Variants in TMEM237 observed in about 807,000 individuals in gnomAD.
TMEM237 encodes the protein amyotrophic lateral sclerosis 2 (juvenile) chromosome region, candidate 4.
TMEM237 carries 51 observed loss-of-function variants against 59.1 expected under a neutral mutation model. The ratio of observed to expected loss-of-function variants is 0.86; its 90% CI spans 0.69 to 1.09. The LOEUF is 1.09. Among genes scored for constraint, TMEM237 ranks in the 50% least tolerant of loss-of-function variants. The pLI is 0.00. For missense variants in TMEM237, 475 were observed against 478.3 expected, an observed-to-expected ratio of 0.99 and a Z score of 0.06; for synonymous variants, 140 against 166.1, an observed-to-expected ratio of 0.84 and a Z score of 1.21.
intron 11 of TMEM237, 135 bp from the exon 12 acceptor site, chr2:201,626,282 T>A (rs1282835533): frequency 2.0e-5 from 19 of 971,738 alleles, no homozygotes; most frequent in Non-Finnish European, 2.8e-5. Context: ...AAAGAAAATA[T>A]AATTTCCCTG....
intron 6 of TMEM237, 115 bp from the exon 7 acceptor site, chr2:201,632,323 G>T: frequency 8.4e-7 from 1 of 1,190,870 alleles, no homozygotes; most frequent in Non-Finnish European, 1.2e-6. Flanking sequence ...GTTAAGAAAT[G>T]TGGTTTTTAC....
At chr2:201,631,956 T>C in intron 7 of TMEM237, 95 bp downstream of exon 7, 1 of 1,348,626 alleles carries the variant, frequency 7.4e-7, no homozygotes, top group Non-Finnish European at 1.0e-6. Flanking sequence ...GTACACAGTT[T>C]TGCTTAATTC....
intron 11 of TMEM237, among the ~76,000 whole-genome samples, chr2:201,626,653 G>A (rs373120136): frequency 1.3e-5 from 2 of 151,396 alleles, no homozygotes; most frequent in Admixed American, 6.6e-5. Context: ...TCCCTGTTCC[G>A]CTCTTTCTAG....
At chr2:201,640,987 C>CA (rs1233859807) in intron 1 of TMEM237, 63 bp from the exon 2 acceptor site, 1 of 1,467,436 alleles carries the variant, frequency 6.8e-7, no homozygotes, top group African/African-American at 1.4e-5. Context: ...CTTCAAATAC[C>CA]ATCACGCTAT....
rs1957708976 is a variant in TMEM237, at chr2:201,621,623, A to C, written c.*2632T>G. On this transcript the variant is annotated 3_prime_UTR_variant, in exon 13 of 13. Transcript: ENST00000409883. ...TTACATACTGTATGATTCAATTTATAACATTATTGAAATGACAGAGTTTTA... is the reference window on the plus strand; with the variant it reads ...TTACATACTGTATGATTCAATTTATCACATTATTGAAATGACAGAGTTTTA... 6.5e-6 allele frequency: 1 copy of C among 152,686 alleles called. No individual in the cohort carries two copies. The highest frequency in any genetic ancestry group is 2.4e-5 in the African/African-American group (1 of 41,472). 9.5% of individuals were successfully genotyped at this position (152,686 alleles called of 1,614,324 possible). A position where few individuals can be genotyped will look rare whatever the true frequency, so the allele number is the denominator to read the frequency against.
chr2:201,642,466 G>T, intron 1 of TMEM237: 1 of 887,582 alleles, frequency 1.1e-6, no homozygotes, highest in South Asian at 1.9e-5. Context: ...CGATCCCAGG[G>T]CTCTGTTCAC....
Position 201,643,338 on chromosome 2 carries a change from G to C in TMEM237, c.42+21C>G, listed in dbSNP as rs1162342924. ...TGTTTACCCGCCACCTCTCGAGGCC[G>C]ACGCGCCCCTCGCCGCTCACCAGGT... On this transcript the variant is annotated intron_variant, in intron 1 of 12. Coordinates refer to ENST00000409883, the MANE Select transcript of TMEM237 (RefSeq NM_001044385.3). The surrounding 1 kb of genome is among the most constrained non-coding windows in gnomAD (Gnocchi z 4.3). The C allele has an allele frequency of 3.2e-6, 5 of 1,538,726 alleles. No homozygotes were observed. The South Asian group carries it at 6.0e-5, about 18-fold the overall frequency.
chr2:201,643,497 G>T lies in TMEM237; in HGVS notation c.-97C>A. 3 of 1,093,370 alleles carry T rather than the reference G, an allele frequency of 2.7e-6. No individual in the cohort carries two copies. The highest frequency in any genetic ancestry group is 3.6e-6 in the Non-Finnish European group (3 of 834,914). 67.7% of individuals were successfully genotyped at this position (1,093,370 alleles called of 1,614,324 possible). ...CCTCCGGGACCTGTGGGACGCCGGG[G>T]CTTCGTGGCGCCTGGCGAGGCAGCC... On this transcript the variant is annotated 5_prime_UTR_variant, in exon 1 of 13. Transcript: ENST00000409883. The surrounding 1 kb of genome is among the most constrained non-coding windows in gnomAD (Gnocchi z 4.3).
Position 201,635,982 on chromosome 2 carries a change from T to C in TMEM237, c.274+766A>G, listed in dbSNP as rs1404826246. Among the ~76,000 whole-genome samples the C allele has an allele frequency of 1.3e-5, 2 of 152,216 alleles. No homozygotes were observed. Among genetic ancestry groups the C allele is most frequent in the Non-Finnish European group, 2.9e-5 (2 of 68,032 alleles). On this transcript the variant is annotated intron_variant, in intron 5 of 12. Transcript: ENST00000409883. This position sits in a 1 kb window ranked among gnomAD's most constrained non-coding sequence, Gnocchi z 4.5. Reference sequence around the variant, plus strand: ...TACAAAAATGGGATCCTCCAATACATACTATTTTATAACCTTTGTTCTTTG... The same window carrying C: ...TACAAAAATGGGATCCTCCAATACACACTATTTTATAACCTTTGTTCTTTG...
chr2:201,636,513 G>T, intron 5 of TMEM237: 1 of 429,198 alleles, frequency 2.3e-6, no homozygotes, highest in South Asian at 3.4e-5. Context: ...TTTCTGTTTA[G>T]TCCTGTATTT....
chr2:201,629,833 A>C lies in TMEM237; in HGVS notation c.573T>G (p.Asp191Glu). ...VEKSRRFQAA[D>E]RSELIKTTEN... is the part of the protein sequence containing the mutation. ...CTGTGGTCTTTATCAACTCTGAACGATCAGCAGCCTGGAATCTCCCTAAGA... is the reference window on the plus strand; with the variant it reads ...CTGTGGTCTTTATCAACTCTGAACGCTCAGCAGCCTGGAATCTCCCTAAGA... Residue 191 changes from aspartate (D) to glutamate (E), a missense_variant, in exon 8 of 13, where the codon GAT (aspartate) becomes GAG (glutamate). Asp to Glu is a conservative substitution (Grantham distance 45). Coordinates refer to ENST00000409883, the MANE Select transcript of TMEM237 (RefSeq NM_001044385.3). 6.2e-7 allele frequency: 1 copy of C among 1,612,662 alleles called. No individual in the cohort carries two copies. Among genetic ancestry groups the C allele is most frequent in the Non-Finnish European group, 8.5e-7 (1 of 1,179,592 alleles).
At position 201,638,065 on chromosome 2, in the gene TMEM237, C is replaced by G. The variant is rs986431982; in HGVS notation, c.136+924G>C. 2.6e-5 allele frequency among the ~76,000 whole-genome samples: 4 copies of G among 152,250 alleles called. No homozygotes were observed. In the South Asian group the frequency reaches 8.3e-4, roughly 32 times the overall value. ...TACAGAAGTACTTCTTCCCTACCAC[C>G]CACTATTTTATGCAGAACTGCAACA... On this transcript the variant is annotated intron_variant, in intron 4 of 12. Transcript: ENST00000409883.
At chr2:201,639,159 G>T in intron 3 of TMEM237, 114 bp from the exon 4 acceptor site, 1 of 976,294 alleles carries the variant, frequency 1.0e-6, no homozygotes, top group Non-Finnish European at 1.5e-6. Context: ...CCTGGGCCTG[G>T]CAAACGTTTA....
rs1489432534 is a variant in TMEM237, at chr2:201,643,029, A to C, written c.42+330T>G. 26 of 1,257,934 alleles carry C rather than the reference A, an allele frequency of 2.1e-5. No individual in the cohort carries two copies. The highest frequency in any genetic ancestry group is 2.6e-5 in the Non-Finnish European group (26 of 990,570). The allele number at this position is 1,257,934 out of a possible 1,614,324, so 77.9% of individuals were successfully genotyped here. ...GCAGCTACAGACCTCTCCTCGGAGGAGTCTAGGAGAGGCCTGGCTGGAAGC... is the reference window on the plus strand; with the variant it reads ...GCAGCTACAGACCTCTCCTCGGAGGCGTCTAGGAGAGGCCTGGCTGGAAGC... On this transcript the variant is annotated intron_variant, in intron 1 of 12. Coordinates refer to ENST00000409883, the MANE Select transcript of TMEM237 (RefSeq NM_001044385.3). This position sits in a 1 kb window ranked among gnomAD's most constrained non-coding sequence, Gnocchi z 4.3.
At chr2:201,641,917 G>A (rs1028440831) in intron 1 of TMEM237, among the ~76,000 whole-genome samples, 1 of 152,150 alleles carries the variant, frequency 6.6e-6, no homozygotes, top group Non-Finnish European at 1.5e-5. Context: ...CAATTACCAA[G>A]GAGAGGTAGG....
intron 1 of TMEM237, among the ~76,000 whole-genome samples, chr2:201,641,828 C>T (rs1329506929): frequency 6.6e-6 from 1 of 151,970 alleles, no homozygotes; most frequent in Non-Finnish European, 1.5e-5. Flanking sequence ...GAGAAAGCAG[C>T]AACCGGAACA....
rs1235149137 is a variant in TMEM237, at chr2:201,624,210, A to G, written c.*45T>C. The G allele has an allele frequency of 6.6e-7, 1 of 1,519,992 alleles. No individual in the cohort carries two copies. The highest frequency in any genetic ancestry group is 1.8e-5 in the Admixed American group (1 of 57,018). 94.2% of individuals were successfully genotyped at this position (1,519,992 alleles called of 1,614,324 possible). A position where few individuals can be genotyped will look rare whatever the true frequency, so the allele number is the denominator to read the frequency against. On this transcript the variant is annotated 3_prime_UTR_variant, in exon 13 of 13. Coordinates refer to ENST00000409883, the MANE Select transcript of TMEM237 (RefSeq NM_001044385.3). The stretch of plus-strand genomic sequence containing the variant: ...TATAAAAATACATTTAAAAACAAAA[A>G]TGGGACAAATACTGGGTCATTATTC...
chr2:201,633,694 T>C (rs1366391461), intron 5 of TMEM237, among the ~76,000 whole-genome samples: 1 of 152,232 alleles, frequency 6.6e-6, no homozygotes, highest in Non-Finnish European at 1.5e-5. Flanking sequence ...GATTATCTCC[T>C]GGTTCGCTGA....
Position 201,624,994 on chromosome 2 carries a change from G to A in TMEM237, c.1160-672C>T, listed in dbSNP as rs117390045. Among the ~76,000 whole-genome samples the A allele has an allele frequency of 1.1e-3, 164 of 152,228 alleles. 3 individuals are homozygous for A. The East Asian group carries it at 0.026, about 24-fold the overall frequency. ...TGTTGGCGAAATTCTGCATGCTAAGGCTTCTGAGGCAGATAGGTTGTAAAT... is the reference window on the plus strand; with the variant it reads ...TGTTGGCGAAATTCTGCATGCTAAGACTTCTGAGGCAGATAGGTTGTAAAT... On this transcript the variant is annotated intron_variant, in intron 12 of 12. Coordinates refer to ENST00000409883, the MANE Select transcript of TMEM237 (RefSeq NM_001044385.3).
Sources: allele counts gnomAD v4.1 joint callset (sites outside exome capture counted in the v4.1 genomes callset), GRCh38; gene constraint gnomAD v4.1.1; non-coding constraint Gnocchi (gnomAD v3.1); transcripts MANE v1.5; gene names NCBI Gene and HGNC (gene_info 2026-07-23, HGNC 2026-07-21).